KCTD13: variants seen among roughly 807,000 people sequenced by gnomAD.
KCTD13 encodes the protein potassium channel tetramerization domain containing 13.
A neutral mutation model predicts 32.3 loss-of-function variants in KCTD13; 15 were observed. The observed-to-expected ratio is 0.46, with a 90% CI of 0.31 to 0.71. The LOEUF (loss-of-function observed/expected upper bound fraction) is 0.71, where lower values mean the gene tolerates loss of function less well. Ranked by LOEUF, KCTD13 falls within the 30% of genes least tolerant of loss-of-function variation. The probability of loss-of-function intolerance (pLI) is 0.05; values close to 1 mark genes in which losing one functional copy is unlikely to be tolerated. For missense variants in KCTD13, 337 were observed against 452.6 expected (o/e 0.74, Z 2.32); for synonymous variants, 189 against 200.1 (o/e 0.94, Z 0.47).
chr16:29,916,741 T>G lies in KCTD13; in HGVS notation c.415-4692A>C, dbSNP rs569285448. On this transcript the variant is annotated intron_variant, in intron 2 of 5. Coordinates refer to ENST00000568000, the MANE Select transcript of KCTD13 (RefSeq NM_178863.5). ...TAAAAATAAACATTATCTCACATAG[T>G]TTCTGTGGGTCAGGAATTTGGGATG... Among the ~76,000 whole-genome samples, 4 of 152,188 alleles carry G rather than the reference T, an allele frequency of 2.6e-5. No homozygotes were observed. In the South Asian group the frequency reaches 8.3e-4, roughly 32 times the overall value.
intron 2 of KCTD13, among the ~76,000 whole-genome samples, chr16:29,915,805 C>T (rs2068799821): frequency 6.6e-6 from 1 of 152,092 alleles, no homozygotes; most frequent in African/African-American, 2.4e-5. Flanking sequence ...ACTTTTTCAT[C>T]ACATCCTCAG....
At chr16:29,909,557 G>T (rs933294583) in intron 5 of KCTD13, among the ~76,000 whole-genome samples, 1 of 152,134 alleles carries the variant, frequency 6.6e-6, no homozygotes, top group South Asian at 2.1e-4. Context: ...CACAGAGCAG[G>T]GGCTTGGGGA....
Position 29,911,121 on chromosome 16 carries a change from G to C in KCTD13, c.610C>G (p.Leu204Val). Residue 204 changes from leucine to valine, a missense_variant, in exon 5 of 6, where the codon CTG becomes GTG. Physicochemically the swap from Leu to Val is conservative, Grantham distance 32. Around this residue, in one of 3 missense-constraint regions of KCTD13, gnomAD observed 252 missense variants for 340.2 expected, o/e 0.74. Transcript: ENST00000568000. ...KNIELFDKLALRFHGRLLFLK... is the reference protein window; with the variant it reads ...KNIELFDKLAVRFHGRLLFLK... ...AAGAGTAGCCGCCCGTGGAAGCGCAGGGCCAGCTTGTCGAACAGCTCGATG... is the reference window on the plus strand; with the variant it reads ...AAGAGTAGCCGCCCGTGGAAGCGCACGGCCAGCTTGTCGAACAGCTCGATG... 8 of 1,614,172 alleles carry C rather than the reference G, an allele frequency of 5.0e-6. No individual in the cohort carries two copies. Among genetic ancestry groups the C allele is most frequent in the Non-Finnish European group, 6.8e-6 (8 of 1,180,012 alleles).
At position 29,906,849 on chromosome 16, in the gene KCTD13, G is replaced by A. The variant is rs1418262347; in HGVS notation, c.*23C>T. On this transcript the variant is annotated 3_prime_UTR_variant, in exon 6 of 6. Transcript: ENST00000568000. ...GAGGGACTGGGTCCCAAGGCAAGAG[G>A]AAGGCAGGGGGAGGGTCAGAGGTCA... 1 of 1,598,526 alleles carries A rather than the reference G, an allele frequency of 6.3e-7. No homozygotes were observed. Among genetic ancestry groups the A allele is most frequent in the Non-Finnish European group, 8.6e-7 (1 of 1,166,282 alleles).
At chr16:29,913,954 C>T (rs139339607) in intron 2 of KCTD13, 1 of 152,432 alleles carries the variant, frequency 6.6e-6, no homozygotes, top group Non-Finnish European at 1.5e-5. Context: ...CTCAACCACC[C>T]AAGTAGCTGG....
rs776446063 is a variant in KCTD13 at position 29,911,801 on chromosome 16, A to T, written c.557+14T>A. The T allele has an allele frequency of 1.2e-6, 2 of 1,611,972 alleles. No individual in the cohort carries two copies. Among genetic ancestry groups the T allele is most frequent in the Non-Finnish European group, 1.7e-6 (2 of 1,179,560 alleles). On this transcript the variant is annotated intron_variant, in intron 4 of 5. Transcript: ENST00000568000. Reference sequence around the variant, plus strand: ...CCCAGGGTCCCGCCCAGTGCCCCGCACCCCGGCGGTCACCTGGTGTAGGAG... The same window carrying T: ...CCCAGGGTCCCGCCCAGTGCCCCGCTCCCCGGCGGTCACCTGGTGTAGGAG...
chr16:29,916,736 C>A (rs1385855512), intron 2 of KCTD13, among the ~76,000 whole-genome samples: 2 of 152,206 alleles, frequency 1.3e-5, no homozygotes, highest in South Asian at 4.1e-4. Context: ...CATTATCTCA[C>A]ATAGTTTCTG....
intron 2 of KCTD13, among the ~76,000 whole-genome samples, chr16:29,916,306 C>T (rs1220930406): frequency 2.0e-5 from 3 of 150,164 alleles, no homozygotes; most frequent in Non-Finnish European, 4.4e-5. Context: ...TCAGGCTGGT[C>T]TCGAACTCCT....
At chr16:29,921,224 G>A (rs930932942) in intron 2 of KCTD13, 15 of 152,192 alleles carry the variant, frequency 9.9e-5, no homozygotes, top group African/African-American at 3.6e-4. Context: ...TCGAGCATAT[G>A]TATCAAAACA....
chr16:29,916,511 T>C (rs1187993605), intron 2 of KCTD13, among the ~76,000 whole-genome samples: 1 of 152,208 alleles, frequency 6.6e-6, no homozygotes, highest in African/African-American at 2.4e-5. Context: ...CAGACCCCCA[T>C]TCCAGAAACC....
In KCTD13 at chr16:29,923,748, G is replaced by T. The variant is rs180734916; in HGVS notation, c.245-389C>A. 2.7e-3 allele frequency among the ~76,000 whole-genome samples: 407 copies of T among 152,142 alleles called. 2 individuals carry two copies. Among genetic ancestry groups the T allele is most frequent in the Middle Eastern group, 0.024 (7 of 292 alleles). ...TGGTGGCTGGTGCCAGCTACTCGGGGGGGGGCGAGGCAGGAGAATCGCTTG... is the reference window on the plus strand; with the variant it reads ...TGGTGGCTGGTGCCAGCTACTCGGGTGGGGGCGAGGCAGGAGAATCGCTTG... On this transcript the variant is annotated intron_variant, in intron 1 of 5. Transcript: ENST00000568000.
chr16:29,912,284 T>G, intron 2 of KCTD13: 1 of 572,338 alleles, frequency 1.7e-6, no homozygotes, highest in Non-Finnish European at 3.0e-6. Flanking sequence ...GGCCACTGGC[T>G]GTGCCCCTGC....
chr16:29,911,551 C>T, intron 4 of KCTD13: 1 of 589,486 alleles, frequency 1.7e-6, no homozygotes, highest in South Asian at 2.0e-5. Flanking sequence ...GAGGACTCTG[C>T]CAGTTCCTAG....
intron 5 of KCTD13, among the ~76,000 whole-genome samples, chr16:29,909,116 T>C (rs1163022923): frequency 6.6e-6 from 1 of 152,082 alleles, no homozygotes; most frequent in Non-Finnish European, 1.5e-5. Flanking sequence ...GCCCAGCTAA[T>C]GGGAGATAGG....
At chr16:29,924,669 C>T (rs1469369861) in intron 1 of KCTD13, among the ~76,000 whole-genome samples, 3 of 152,012 alleles carry the variant, frequency 2.0e-5, no homozygotes, top group Non-Finnish European at 4.4e-5. Flanking sequence ...TTACCTATCT[C>T]CAGCACTAAC....
chr16:29,909,782 G>C (rs953233846), intron 5 of KCTD13, among the ~76,000 whole-genome samples: 14 of 151,286 alleles, frequency 9.3e-5, no homozygotes, highest in Non-Finnish European at 2.1e-4. Flanking sequence ...TCAAATTCCT[G>C]GGCTAGGGCG....
Position 29,926,215 on chromosome 16 carries a change from C to T in KCTD13, c.-182G>A. The stretch of plus-strand genomic sequence containing the variant: ...CTCGCTCGCACCACCCGGAAGCCGG[C>T]GCCGGGCAGCTGCGCAGGCGCGGCC... On this transcript the variant is annotated 5_prime_UTR_variant, in exon 1 of 6. Transcript: ENST00000568000. The T allele has an allele frequency of 3.1e-6, 2 of 638,132 alleles. No homozygotes were observed. Among genetic ancestry groups the T allele is most frequent in the South Asian group, 6.8e-5 (2 of 29,352 alleles). The allele number at this position is 638,132 out of a possible 1,614,324, so 39.5% of individuals were successfully genotyped here.
rs1421044793 is a variant in KCTD13 at position 29,925,990 on chromosome 16, G to A, written c.44C>T (p.Ser15Phe). 2 of 1,599,556 alleles carry A rather than the reference G, an allele frequency of 1.3e-6. No individual in the cohort carries two copies. The highest frequency in any genetic ancestry group is 2.3e-5 in the East Asian group (1 of 44,288). The change falls in exon 1 of 6, where the codon TCC becomes TTC. Residue 15 changes from serine to phenylalanine, a missense_variant. Physicochemically the swap from Ser to Phe is radical, Grantham distance 155. Coordinates refer to ENST00000568000, the MANE Select transcript of KCTD13 (RefSeq NM_178863.5). ...ACCCGAGGGCTTGGGGGCTTCCAGG[G>A]ACGGGGCCGCGGCGGCAGCCGGGCC... ...ASGPAAAAAP[S>F]LEAPKPSGLE...
chr16:29,909,063 A>T (rs548991789), intron 5 of KCTD13, among the ~76,000 whole-genome samples: 1 of 152,012 alleles, frequency 6.6e-6, no homozygotes, highest in East Asian at 1.9e-4. Flanking sequence ...TCATTCATTC[A>T]TTCATTCAAT....
Sources: gnomAD v4.1 joint callset for allele counts (sites outside exome capture counted in the v4.1 genomes callset) on GRCh38, gnomAD v4.1.1 for gene constraint, gnomAD v4.1.1 regional missense constraint, MANE v1.5 for transcripts, NCBI Gene and HGNC (gene_info 2026-07-23, HGNC 2026-07-21) for gene names.